Variants in MAN2B1 observed in about 807,000 individuals in gnomAD.
MAN2B1 encodes the protein mannosidase alpha class 2B member 1.
MAN2B1 carries 99 observed loss-of-function variants against 127.5 expected under a neutral mutation model. That is an observed-to-expected ratio of 0.78 (90% CI 0.66 to 0.92). MAN2B1 has a LOEUF of 0.92. MAN2B1 is among the 40% of genes least tolerant of loss of function. The pLI, the probability that MAN2B1 is intolerant of heterozygous loss-of-function variation, is 0.00. For synonymous variants in MAN2B1, 573 were observed against 568.8 expected (o/e 1.01, Z -0.11); for missense variants, 1,304 against 1,384.8 (o/e 0.94, Z 0.93).
At chr19:12,661,978 G>A (rs2024117959) in intron 6 of MAN2B1, among the ~76,000 whole-genome samples, 2 of 151,954 alleles carry the variant, frequency 1.3e-5, no homozygotes, top group Non-Finnish European at 2.9e-5. Flanking sequence ...CCAAGTAGCT[G>A]GGATTACAGG....
chr19:12,658,660 A>G (rs1194199194), intron 7 of MAN2B1, 150 bp from the exon 8 acceptor site: 17 of 756,488 alleles, frequency 2.2e-5, no homozygotes, highest in African/African-American at 3.5e-5. Context: ...GGGTGTGAAA[A>G]TGAATTTTGG....
rs374780630 is a variant in MAN2B1 at position 12,656,528 on chromosome 19, G to C, written c.1644+43C>G. On this transcript the variant is annotated intron_variant, in intron 13 of 23. Transcript: ENST00000456935. Reference sequence around the variant, plus strand: ...GGGGGCGATGAGGAAATGCCCACTGGGGGAGGAGTCCCAGCGGGGGAATAT... The same window carrying C: ...GGGGGCGATGAGGAAATGCCCACTGCGGGAGGAGTCCCAGCGGGGGAATAT... 24 of 1,419,632 alleles carry C rather than the reference G, an allele frequency of 1.7e-5. No homozygotes were observed. The African/African-American group carries it at 3.2e-4, about 19-fold the overall frequency. The allele number at this position is 1,419,632 out of a possible 1,614,324, so 87.9% of individuals were successfully genotyped here. A position where few individuals can be genotyped will look rare whatever the true frequency, so the allele number is the denominator to read the frequency against.
At chr19:12,665,144 G>A in intron 3 of MAN2B1, 159 bp from the exon 4 acceptor site, 2 of 1,016,404 alleles carry the variant, frequency 2.0e-6, no homozygotes, top group Non-Finnish European at 3.0e-6. Flanking sequence ...TGGGAAAGAG[G>A]CCCCCTGCAT....
Position 12,649,330 on chromosome 19 carries a change from GGGA to G in MAN2B1, c.2355+8_2355+10del. The G allele has an allele frequency of 1.9e-6, 3 of 1,611,920 alleles. No individual in the cohort carries two copies. The highest frequency in any genetic ancestry group is 1.1e-5 in the South Asian group (1 of 90,984). Reference sequence around the variant, plus strand: ...ATCGAGGTGGGGAGGTGCAGGATGGGGGAGAGCTACCGTGATGTAAATCCGGGT... The same window carrying G: ...ATCGAGGTGGGGAGGTGCAGGATGGGGAGCTACCGTGATGTAAATCCGGGT... On this transcript the variant is annotated splice_region_variant and intron_variant, in intron 19 of 23. Coordinates refer to ENST00000456935, the MANE Select transcript of MAN2B1 (RefSeq NM_000528.4).
intron 6 of MAN2B1, 110 bp downstream of exon 6, chr19:12,663,207 G>C (rs1442697412): frequency 7.4e-7 from 1 of 1,352,632 alleles, no homozygotes; most frequent in Non-Finnish European, 1.1e-6. Context: ...GAGTAAGACT[G>C]TCTCAAAAAA....
chr19:12,657,070 C>G lies in MAN2B1; in HGVS notation c.1420-14G>C, dbSNP rs2023980927. ...GCTCAGAAGAACCTGCGGAAGAGCG[C>G]AAAGGGACCGGTGGGTTCAGGACGC... is the stretch of plus-strand genomic sequence containing the variant. On this transcript the variant is annotated splice_polypyrimidine_tract_variant and intron_variant, in intron 11 of 23. Coordinates refer to ENST00000456935, the MANE Select transcript of MAN2B1 (RefSeq NM_000528.4). 1 of 1,537,998 alleles carries G rather than the reference C, an allele frequency of 6.5e-7. No homozygotes were observed. Among genetic ancestry groups the G allele is most frequent in the Admixed American group, 1.7e-5 (1 of 58,282 alleles).
chr19:12,658,376 A>G, intron 8 of MAN2B1, 32 bp from the exon 9 acceptor site: 1 of 1,614,230 alleles, frequency 6.2e-7, no homozygotes, highest in East Asian at 2.2e-5. Flanking sequence ...GGGCAGGGTC[A>G]TGACCCACGG....
At chr19:12,655,563 GAC>G in intron 14 of MAN2B1, 129 bp downstream of exon 14, 1 of 906,020 alleles carries the variant, frequency 1.1e-6, no homozygotes, top group Non-Finnish European at 1.7e-6. Flanking sequence ...CTTGCTCAAG[GAC>G]ACACAATGAG....
At chr19:12,657,391 G>A (rs2023992351) in intron 11 of MAN2B1, 55 bp downstream of exon 11, 1 of 1,455,824 alleles carries the variant, frequency 6.9e-7, no homozygotes, top group South Asian at 1.2e-5. Context: ...CCCAGGCCCT[G>A]GCCCCGCCCC....
rs141318574 is a variant in MAN2B1 at position 12,663,788 on chromosome 19, C to T, written c.678G>A (p.Lys226=). ...TCTCCAGCTTCTGCATCCGTACCCACTTATCTTGATAATCAAGGCGCCCAA... is the reference window on the plus strand; with the variant it reads ...TCTCCAGCTTCTGCATCCGTACCCATTTATCTTGATAATCAAGGCGCCCAA... The part of the protein sequence containing the change: ...FFFGRLDYQD[K]WVRMQKLEME... The change falls in exon 5 of 24, where the codon AAG becomes AAA. Residue 226 remains lysine, a synonymous_variant. Transcript: ENST00000456935. The T allele has an allele frequency of 1.2e-6, 2 of 1,614,232 alleles. No homozygotes were observed. Among genetic ancestry groups the T allele is most frequent in the South Asian group, 1.1e-5 (1 of 91,082 alleles).
In MAN2B1 at chr19:12,652,193, G is replaced by A. The variant is rs75029862; in HGVS notation, c.2006C>T (p.Pro669Leu). 4,561 of 1,614,086 alleles carry A rather than the reference G, an allele frequency of 2.8e-3. 85 individuals carry two copies. In the Admixed American group the frequency reaches 0.038, roughly 14 times the overall value. ...AYIFRPNQQK[P>L]LPVSRWAQIH... ...CTGAGCCCAGCGGCTCACAGGCAGC[G>A]GTTTCTGTTGGTTGGGTCTGAAGAT... Residue 669 changes from proline (P) to leucine (L), a missense_variant, in exon 16 of 24, where the codon CCG (proline) becomes CTG (leucine). Pro to Leu is a moderately conservative substitution (Grantham distance 98, BLOSUM62 -3). Transcript: ENST00000456935.
At chr19:12,659,248 GT>G (rs2024046546) in intron 7 of MAN2B1, among the ~76,000 whole-genome samples, 1 of 148,224 alleles carries the variant, frequency 6.7e-6, no homozygotes, top group South Asian at 2.2e-4. Flanking sequence ...AAGGATGTTT[GT>G]TTTGCACGAG....
At chr19:12,660,450 C>A (rs8107196) in intron 7 of MAN2B1, among the ~76,000 whole-genome samples, 3 of 151,862 alleles carry the variant, frequency 2.0e-5, no homozygotes, top group Non-Finnish European at 4.4e-5. Flanking sequence ...TGCAGTGAGC[C>A]GAGAGCACGC....
intron 14 of MAN2B1, 38 bp downstream of exon 14, chr19:12,655,656 T>A (rs2023936037): frequency 6.3e-7 from 1 of 1,590,838 alleles, no homozygotes; most frequent in Non-Finnish European, 8.6e-7. Context: ...TTCAAATTTG[T>A]CACAGGAGCA....
chr19:12,666,269 C>G (rs140583423), intron 1 of MAN2B1, among the ~76,000 whole-genome samples: 1 of 152,120 alleles, frequency 6.6e-6, no homozygotes, highest in Non-Finnish European at 1.5e-5. Flanking sequence ...CTGCTCACCC[C>G]CTGCCACCTC....
intron 1 of MAN2B1, 73 bp downstream of exon 1, chr19:12,666,470 C>T: frequency 1.3e-6 from 2 of 1,518,624 alleles, no homozygotes; most frequent in African/African-American, 1.4e-5. Context: ...AGGACAGACC[C>T]ACCCACACCT....
At position 12,663,453 on chromosome 19, in the gene MAN2B1, G is replaced by A. The variant is rs1196803371; in HGVS notation, c.773C>T (p.Pro258Leu). ...ATTCCTTGGCGGGTTGTAACCATTG[G>A]GAAGCACACCTGCAGGTCACACCAA... ...PTADLFTGVL[P>L]NGYNPPRNLC... Residue 258 changes from proline (P) to leucine (L), a missense_variant, in exon 6 of 24, where the codon CCC becomes CTC. Pro to Leu is a moderately conservative substitution (Grantham distance 98). Transcript: ENST00000456935. 6.2e-6 allele frequency: 10 copies of A among 1,614,008 alleles called. No homozygotes were observed. The Admixed American group carries it at 1.7e-4, about 27-fold the overall frequency.
Position 12,647,894 on chromosome 19 carries a change from C to T in MAN2B1, c.2664+281G>A, listed in dbSNP as rs1211191900. Among the ~76,000 whole-genome samples, 1 of 143,418 alleles carries T rather than the reference C, an allele frequency of 7.0e-6. No homozygotes were observed. Among genetic ancestry groups the T allele is most frequent in the Non-Finnish European group, 1.5e-5 (1 of 65,494 alleles). The allele number at this position is 143,418 out of a possible 152,430, so 94.1% of individuals were successfully genotyped here. On this transcript the variant is annotated intron_variant, in intron 21 of 23. Transcript: ENST00000456935. This position sits in a 1 kb window ranked among gnomAD's most constrained non-coding sequence, Gnocchi z 4.9. Reference sequence around the variant, plus strand: ...CGGGGCTGGGTGAGGCAGGACAGAGCCTGGGGGCGGTGAGAGGGCGGGGCT... The same window carrying T: ...CGGGGCTGGGTGAGGCAGGACAGAGTCTGGGGGCGGTGAGAGGGCGGGGCT...
rs537217370 is a variant in MAN2B1, at chr19:12,649,439, G to A, written c.2268-11C>T. The A allele has an allele frequency of 4.3e-4, 672 of 1,580,742 alleles. No homozygotes were observed. The highest frequency in any genetic ancestry group is 5.6e-4 in the Non-Finnish European group (651 of 1,152,902). On this transcript the variant is annotated splice_polypyrimidine_tract_variant and intron_variant, in intron 18 of 23. Transcript: ENST00000456935. ...GGTCGATAATCCCGCCTGGGGTTGG[G>A]GGTGAGCTGATCAGGCTTGGGATCT...
Sources: gnomAD v4.1 joint callset for allele counts (sites outside exome capture counted in the v4.1 genomes callset) on GRCh38, gnomAD v4.1.1 for gene constraint, Gnocchi (gnomAD v3.1) non-coding constraint, MANE v1.5 for transcripts, NCBI Gene and HGNC (gene_info 2026-07-23, HGNC 2026-07-21) for gene names.